Variants in AGAP1 observed in about 807,000 individuals in gnomAD.
AGAP1 encodes the protein arf-GAP with GTPase, ANK repeat and PH domain-containing protein 1.
In AGAP1, 29 loss-of-function variants were observed where a neutral mutation model predicts 105.3. That is an observed-to-expected ratio of 0.28 (90% CI 0.21 to 0.38). AGAP1 has a LOEUF of 0.38. Among genes scored for constraint, AGAP1 ranks in the 10% least tolerant of loss-of-function variants. The pLI is 1.00. For missense variants in AGAP1, 998 were observed against 1,165.1 expected, an observed-to-expected ratio of 0.86 and a Z score of 2.09; for synonymous variants, 509 against 485.9, an observed-to-expected ratio of 1.05 and a Z score of -0.63.
At chr2:235,686,324 T>C (rs1489956865) in intron 1 of AGAP1, among the ~76,000 whole-genome samples, 2 of 151,928 alleles carry the variant, frequency 1.3e-5, no homozygotes, top group African/African-American at 4.8e-5. Context: ...TGGATGTGCT[T>C]TAGTGATAGA....
chr2:235,772,353 C>T (rs1955527650), intron 6 of AGAP1, among the ~76,000 whole-genome samples: 3 of 152,132 alleles, frequency 2.0e-5, no homozygotes, highest in Admixed American at 2.0e-4. Context: ...TTATGACAGA[C>T]CACACTGAGA....
At chr2:235,832,480 A>T (rs1959543753) in intron 9 of AGAP1, among the ~76,000 whole-genome samples, 1 of 152,224 alleles carries the variant, frequency 6.6e-6, no homozygotes, top group Non-Finnish European at 1.5e-5. Context: ...AACTCTTCCG[A>T]TGAGATAATT....
At chr2:235,641,459 A>G (rs1482192629) in intron 1 of AGAP1, among the ~76,000 whole-genome samples, 1 of 143,948 alleles carries the variant, frequency 6.9e-6, no homozygotes, top group African/African-American at 2.6e-5. Context: ...TTTTGGTAGG[A>G]TGCCTCCCTT....
At chr2:235,783,689 GA>G in intron 6 of AGAP1, among the ~76,000 whole-genome samples, 2 of 152,280 alleles carry the variant, frequency 1.3e-5, no homozygotes, top group Non-Finnish European at 2.9e-5. Flanking sequence ...GGTGATGAAA[GA>G]AATCGGAAGA....
intron 12 of AGAP1, among the ~76,000 whole-genome samples, chr2:235,952,879 AC>A (rs1199763987): frequency 6.6e-6 from 1 of 152,102 alleles, no homozygotes; most frequent in East Asian, 1.9e-4. Flanking sequence ...TACCAGTGGA[AC>A]CCAAGCCCTC....
At chr2:235,613,613 T>C (rs1946211640) in intron 1 of AGAP1, among the ~76,000 whole-genome samples, 6 of 152,056 alleles carry the variant, frequency 3.9e-5, no homozygotes. Context: ...TATCTCCCCA[T>C]TCTCCCTGAA....
intron 12 of AGAP1, among the ~76,000 whole-genome samples, chr2:235,956,905 C>T (rs555831922): frequency 6.6e-6 from 1 of 152,250 alleles, no homozygotes; most frequent in Admixed American, 6.5e-5. Flanking sequence ...ACCCTCTCCC[C>T]CGTCTCACTA....
rs1942432294 is a variant in AGAP1, at chr2:235,517,366, G to A, written c.163+22517G>A. On this transcript the variant is annotated intron_variant, in intron 1 of 17. Coordinates refer to ENST00000304032, the MANE Select transcript of AGAP1 (RefSeq NM_001037131.3). The surrounding 1 kb of genome is among the most constrained non-coding windows in gnomAD (Gnocchi z 4.1). ...CGTACAGCATCCCTCCCTCCCTGGT[G>A]GTTTCTGAGGATTTGTCACTGATGT... 2.0e-5 allele frequency among the ~76,000 whole-genome samples: 3 copies of A among 152,192 alleles called. No homozygotes were observed. The South Asian group carries it at 6.2e-4, about 32-fold the overall frequency.
At chr2:235,969,578 G>A (rs987504944) in intron 13 of AGAP1, among the ~76,000 whole-genome samples, 1 of 152,088 alleles carries the variant, frequency 6.6e-6, no homozygotes, top group Non-Finnish European at 1.5e-5. Flanking sequence ...GCTTTTTCCA[G>A]ATACTCTACT....
intron 16 of AGAP1, among the ~76,000 whole-genome samples, chr2:236,112,182 G>A (rs866769463): frequency 1.3e-5 from 2 of 151,834 alleles, no homozygotes; most frequent in Non-Finnish European, 3.0e-5. Context: ...TTGGGAGGCC[G>A]AGGAGGACAG....
intron 12 of AGAP1, among the ~76,000 whole-genome samples, chr2:235,946,198 T>G (rs1396885640): frequency 1.3e-5 from 2 of 152,094 alleles, no homozygotes; most frequent in African/African-American, 2.4e-5. Context: ...CTGTTAATTT[T>G]GGGGGTGTAT....
rs1222802247 is a variant in AGAP1, at chr2:235,989,028, G to A, written c.1645+20405G>A. 6.6e-6 allele frequency among the ~76,000 whole-genome samples: 1 copy of A among 152,186 alleles called. No homozygotes were observed. The highest frequency in any genetic ancestry group is 1.5e-5 in the Non-Finnish European group (1 of 68,038). On this transcript the variant is annotated intron_variant, in intron 13 of 17. Transcript: ENST00000304032. This position sits in a 1 kb window ranked among gnomAD's most constrained non-coding sequence, Gnocchi z 4.4. ...GGCTTCCCTTGGCCAATAATGTGGA[G>A]TCTTTTGGTTTTTCTGTTCTTCAGA...
chr2:235,841,898 C>T (rs1023715164), intron 9 of AGAP1, among the ~76,000 whole-genome samples: 7 of 152,062 alleles, frequency 4.6e-5, no homozygotes, highest in Admixed American at 2.6e-4. Flanking sequence ...TCCTGCTGCT[C>T]TCTCTCTTCC....
chr2:235,671,629 C>T (rs562316851), intron 1 of AGAP1, among the ~76,000 whole-genome samples: 2 of 152,314 alleles, frequency 1.3e-5, no homozygotes, highest in Admixed American at 1.3e-4. Flanking sequence ...TGGGGTGGGA[C>T]GGAGGCCCCT....
intron 6 of AGAP1, among the ~76,000 whole-genome samples, chr2:235,782,003 C>A (rs1956291973): frequency 6.6e-6 from 1 of 152,158 alleles, no homozygotes; most frequent in African/African-American, 2.4e-5. Context: ...TTCATGTTCA[C>A]TGTTTGGCCA....
In AGAP1 at chr2:236,120,633, A is replaced by T. The variant is rs1420826172; in HGVS notation, c.2370+186A>T. Among the ~76,000 whole-genome samples, 1 of 152,202 alleles carries T rather than the reference A, an allele frequency of 6.6e-6. No individual in the cohort carries two copies. Among genetic ancestry groups the T allele is most frequent in the Non-Finnish European group, 1.5e-5 (1 of 68,030 alleles). On this transcript the variant is annotated intron_variant, in intron 17 of 17. Transcript: ENST00000304032. This position sits in a 1 kb window ranked among gnomAD's most constrained non-coding sequence, Gnocchi z 6.0. ...CGGAGAGACAGCCGGTCCTCCTTGT[A>T]CAGTACTTGCTAGAGTTTCTGAAAA... is the stretch of plus-strand genomic sequence containing the variant.
chr2:235,564,191 A>G (rs576928875), intron 1 of AGAP1, among the ~76,000 whole-genome samples: 2 of 152,340 alleles, frequency 1.3e-5, no homozygotes, highest in Non-Finnish European at 2.9e-5. Context: ...CGAATCCTAA[A>G]GTGATCTGGC....
chr2:235,711,182 G>A (rs773192999), intron 2 of AGAP1, among the ~76,000 whole-genome samples: 17 of 152,244 alleles, frequency 1.1e-4, no homozygotes, highest in Non-Finnish European at 2.4e-4. Flanking sequence ...TGATTGAAAC[G>A]TGGCCAGTCA....
intron 1 of AGAP1, among the ~76,000 whole-genome samples, chr2:235,590,710 T>C (rs866783056): frequency 1.0e-4 from 11 of 106,312 alleles, no homozygotes; most frequent in African/African-American, 2.8e-4. Context: ...TGTGTGTGTG[T>C]GTGCATTTTT....
Sources: gnomAD v4.1 joint callset for allele counts (sites outside exome capture counted in the v4.1 genomes callset) on GRCh38, gnomAD v4.1.1 for gene constraint, Gnocchi (gnomAD v3.1) non-coding constraint, MANE v1.5 for transcripts, NCBI Gene and HGNC (gene_info 2026-07-23, HGNC 2026-07-21) for gene names.